DOCK9: variants seen among roughly 807,000 people sequenced by gnomAD.
DOCK9 encodes the protein dedicator of cytokinesis protein 9.
DOCK9 carries 89 observed loss-of-function variants against 263.3 expected under a neutral mutation model. The observed-to-expected ratio is 0.34, with a 90% CI of 0.28 to 0.40. The LOEUF (loss-of-function observed/expected upper bound fraction) is 0.40, where lower values mean the gene tolerates loss of function less well. Among genes scored for constraint, DOCK9 ranks in the 10% least tolerant of loss-of-function variants. The probability of loss-of-function intolerance (pLI) is 1.00; values close to 1 mark genes in which losing one functional copy is unlikely to be tolerated. For synonymous variants in DOCK9, 976 were observed against 973.1 expected, an observed-to-expected ratio of 1.00 and a Z score of -0.06; for missense variants, 2,140 against 2,603.4, an observed-to-expected ratio of 0.82 and a Z score of 3.87.
intron 33 of DOCK9, chr13:98,857,390 G>A (rs1195179438): frequency 6.6e-6 from 1 of 152,200 alleles, no homozygotes; most frequent in African/African-American, 2.4e-5. Flanking sequence ...ATATTTGAAA[G>A]TGACTCCTCT....
In DOCK9 at chr13:98,831,507, C is replaced by G; in HGVS notation, c.4476G>C (p.Gly1492=). The part of the protein sequence containing the change: ...IYKFPSTFYE[G]RADMCAALCY... The stretch of plus-strand genomic sequence containing the variant: ...ACAGAGCCGCACACATGTCCGCTCT[C>G]CCTTCATAGAATGTTGAGGGAAACT... The change falls in exon 41 of 53, where the codon GGG becomes GGC. Residue 1492 remains glycine, a synonymous_variant. Coordinates refer to ENST00000682017, the MANE Select transcript of DOCK9 (RefSeq NM_001366683.2). 1.2e-5 allele frequency: 19 copies of G among 1,587,908 alleles called. No individual in the cohort carries two copies. The highest frequency in any genetic ancestry group is 1.5e-5 in the Non-Finnish European group (17 of 1,166,572).
chr13:98,803,188 C>G (rs868461471), intron 49 of DOCK9, among the ~76,000 whole-genome samples: 1 of 152,178 alleles, frequency 6.6e-6, no homozygotes, highest in Non-Finnish European at 1.5e-5. Flanking sequence ...CTCTCTGAAG[C>G]GCACTCTCTG....
At chr13:99,011,430 C>T (rs1017513314) in intron 1 of DOCK9, among the ~76,000 whole-genome samples, 10 of 152,284 alleles carry the variant, frequency 6.6e-5, no homozygotes, top group Non-Finnish European at 1.3e-4. Flanking sequence ...TAACAGTTAA[C>T]TGATGACTTG....
chr13:99,072,988 G>A (rs143177154), intron 1 of DOCK9, among the ~76,000 whole-genome samples: 75 of 152,162 alleles, frequency 4.9e-4, no homozygotes, highest in African/African-American at 1.8e-3. Flanking sequence ...GACAGACCCT[G>A]TCTCAAAAAA....
At chr13:99,073,384 T>C (rs1293627679) in intron 1 of DOCK9, among the ~76,000 whole-genome samples, 1 of 151,156 alleles carries the variant, frequency 6.6e-6, no homozygotes, top group African/African-American at 2.4e-5. Flanking sequence ...TCTCTCTCTC[T>C]CCTCTCTCTC....
Position 98,882,012 on chromosome 13 carries a change from G to A in DOCK9, c.2560-5C>T, listed in dbSNP as rs749269044. ...GCCTTCCATCGCATGCAGACTCTAC[G>A]GACACAGAATGGCACAGTTCATGTT... On this transcript the variant is annotated splice_polypyrimidine_tract_variant and splice_region_variant and intron_variant, in intron 23 of 52. Transcript: ENST00000682017. 5.3e-5 allele frequency: 84 copies of A among 1,575,394 alleles called. No homozygotes were observed. The highest frequency in any genetic ancestry group is 1.1e-4 in the Admixed American group (6 of 54,404).
In DOCK9 at chr13:98,793,623, A is replaced by G. The variant is rs2088979609; in HGVS notation, c.*1003T>C. 1 of 152,662 alleles carries G rather than the reference A, an allele frequency of 6.6e-6. No homozygotes were observed. 9.5% of individuals were successfully genotyped at this position (152,662 alleles called of 1,614,324 possible). On this transcript the variant is annotated 3_prime_UTR_variant, in exon 53 of 53. Coordinates refer to ENST00000682017, the MANE Select transcript of DOCK9 (RefSeq NM_001366683.2). ...TTACTAAATTAAAGTCTTAAAAGAA[A>G]ATATAACATGGTGACAGCTTTAAAG...
chr13:98,966,415 A>T (rs2059203124), intron 1 of DOCK9, among the ~76,000 whole-genome samples: 1 of 152,200 alleles, frequency 6.6e-6, no homozygotes, highest in Non-Finnish European at 1.5e-5. Flanking sequence ...CTATTTTTTC[A>T]CATGTGGAAA....
intron 1 of DOCK9, among the ~76,000 whole-genome samples, chr13:98,968,370 C>T (rs1044915217): frequency 1.3e-5 from 2 of 152,054 alleles, no homozygotes; most frequent in Non-Finnish European, 2.9e-5. Flanking sequence ...CATGTAATCC[C>T]AGCACTTTGG....
chr13:98,965,688 A>G (rs902130089), intron 1 of DOCK9, among the ~76,000 whole-genome samples: 1 of 152,236 alleles, frequency 6.6e-6, no homozygotes, highest in African/African-American at 2.4e-5. Flanking sequence ...AGGAAAAAGG[A>G]AAACTTACCT....
At chr13:99,059,393 C>G (rs2041080395) in intron 1 of DOCK9, among the ~76,000 whole-genome samples, 1 of 151,950 alleles carries the variant, frequency 6.6e-6, no homozygotes, top group Non-Finnish European at 1.5e-5. Flanking sequence ...AGGCATCATC[C>G]TTGATTCCTC....
chr13:98,930,890 C>T (rs1477414750), intron 2 of DOCK9, among the ~76,000 whole-genome samples: 6 of 152,172 alleles, frequency 3.9e-5, no homozygotes, highest in Non-Finnish European at 7.4e-5. Flanking sequence ...GTGATCCACC[C>T]GCCTCGGCCT....
At chr13:98,887,641 A>AAAAAAAAAT (rs1555384316) in intron 18 of DOCK9, among the ~76,000 whole-genome samples, 1 of 140,776 alleles carries the variant, frequency 7.1e-6, no homozygotes. Flanking sequence ...AAAAAAAAAA[A>AAAAAAAAAT]GGATAATAAT....
chr13:98,990,413 T>TA (rs1879528558), intron 1 of DOCK9, among the ~76,000 whole-genome samples: 1 of 152,192 alleles, frequency 6.6e-6, no homozygotes, highest in Admixed American at 6.5e-5. Context: ...GACGGTAAAA[T>TA]AAAAAATCTT....
intron 9 of DOCK9, among the ~76,000 whole-genome samples, chr13:98,906,280 G>T (rs1192507772): frequency 2.0e-4 from 31 of 152,036 alleles, no homozygotes; most frequent in Non-Finnish European, 5.9e-5. Context: ...AATCCTGGGG[G>T]CCCAACATTG....
chr13:98,829,349 G>A lies in DOCK9; in HGVS notation c.4923C>T (p.Asp1641=). The change falls in exon 43 of 53, where the codon GAC becomes GAT. Residue 1641 remains aspartate, a synonymous_variant. Transcript: ENST00000682017. The surrounding 1 kb of genome is among the most constrained non-coding windows in gnomAD (Gnocchi z 4.1). ...STPELRKTWL[D]SMARIHVKNG... Reference sequence around the variant, plus strand: ...TTTTGACATGGATCCTGGCCATGCTGTCGAGCCACGTCTTCCTGAGCTCGG... The same window carrying A: ...TTTTGACATGGATCCTGGCCATGCTATCGAGCCACGTCTTCCTGAGCTCGG... 5 of 1,613,382 alleles carry A rather than the reference G, an allele frequency of 3.1e-6. No homozygotes were observed. The highest frequency in any genetic ancestry group is 4.2e-6 in the Non-Finnish European group (5 of 1,179,668).
chr13:98,841,486 C>T (rs2093209253), intron 38 of DOCK9, among the ~76,000 whole-genome samples: 1 of 152,148 alleles, frequency 6.6e-6, no homozygotes, highest in Non-Finnish European at 1.5e-5. Context: ...CAATGACAGA[C>T]TACCATATCC....
At chr13:98,946,339 G>A (rs1198366968) in intron 2 of DOCK9, among the ~76,000 whole-genome samples, 2 of 152,090 alleles carry the variant, frequency 1.3e-5, no homozygotes, top group Admixed American at 1.3e-4. Context: ...AGGCTGTGGC[G>A]ATGGTTCCAA....
intron 1 of DOCK9, among the ~76,000 whole-genome samples, chr13:99,005,023 T>C (rs1883074297): frequency 6.6e-6 from 1 of 152,022 alleles, no homozygotes; most frequent in Non-Finnish European, 1.5e-5. Flanking sequence ...CTAGCACCTT[T>C]GCTTATATTT....
Sources: gnomAD v4.1 joint callset for allele counts (sites outside exome capture counted in the v4.1 genomes callset) on GRCh38, gnomAD v4.1.1 for gene constraint, Gnocchi (gnomAD v3.1) non-coding constraint, MANE v1.5 for transcripts, NCBI Gene and HGNC (gene_info 2026-07-23, HGNC 2026-07-21) for gene names.